Variants in SPSB4 observed in about 807,000 individuals in gnomAD.
SPSB4 encodes the protein SPRY domain-containing SOCS box protein 4.
In SPSB4, 21 loss-of-function variants were observed where a neutral mutation model predicts 20.9. The ratio of observed to expected loss-of-function variants is 1.01; its 90% CI spans 0.71 to 1.45. The LOEUF is 1.45. SPSB4 is among the 40% of genes most tolerant of loss of function. SPSB4 has a pLI of 0.00. For synonymous variants in SPSB4, 207 were observed against 183.8 expected, an observed-to-expected ratio of 1.13 and a Z score of -1.02; for missense variants, 399 against 399.2, an observed-to-expected ratio of 1.00 and a Z score of 0.00.
At chr3:141,097,885 A>C (rs1467977614) in intron 2 of SPSB4, among the ~76,000 whole-genome samples, 5 of 152,220 alleles carry the variant, frequency 3.3e-5, no homozygotes, top group African/African-American at 1.2e-4. Flanking sequence ...CCTTTAATGA[A>C]TAGCCATTGT....
chr3:141,090,293 C>T (rs573383200), intron 2 of SPSB4, among the ~76,000 whole-genome samples: 25 of 152,244 alleles, frequency 1.6e-4, no homozygotes, highest in Non-Finnish European at 2.4e-4. Context: ...AGGGACAAAA[C>T]GGACAAAAGT....
intron 2 of SPSB4, among the ~76,000 whole-genome samples, chr3:141,111,780 C>T (rs372887840): frequency 6.6e-5 from 10 of 152,206 alleles, no homozygotes; most frequent in Admixed American, 1.3e-4. Context: ...TGTAAGTATA[C>T]GGTATTGTTT....
chr3:141,090,385 A>G (rs545126790), intron 2 of SPSB4, among the ~76,000 whole-genome samples: 1 of 152,322 alleles, frequency 6.6e-6, no homozygotes, highest in South Asian at 2.1e-4. Flanking sequence ...TTAGCTAATG[A>G]TAAGTACGGT....
intron 2 of SPSB4, among the ~76,000 whole-genome samples, chr3:141,101,479 G>A (rs937002792): frequency 2.0e-5 from 3 of 152,192 alleles, no homozygotes; most frequent in Non-Finnish European, 2.9e-5. Flanking sequence ...CAGGGGGAGA[G>A]CCCAGCTCTG....
chr3:141,066,469 C>T lies in SPSB4; in HGVS notation c.365C>T (p.Ala122Val). 2.0e-6 allele frequency: 3 copies of T among 1,495,436 alleles called. No individual in the cohort carries two copies. Among genetic ancestry groups the T allele is most frequent in the Non-Finnish European group, 1.8e-6 (2 of 1,122,132 alleles). 92.6% of individuals were successfully genotyped at this position (1,495,436 alleles called of 1,614,324 possible). A position where few individuals can be genotyped will look rare whatever the true frequency, so the allele number is the denominator to read the frequency against. The stretch of plus-strand genomic sequence containing the variant: ...GTAGTTGGTGTGGCCACGGCCCGTG[C>T]TCCCCTGCACTCCGTGGGCTACACG... The part of the protein sequence containing the change: ...HAVVGVATAR[A>V]PLHSVGYTAL... Residue 122 changes from alanine (A) to valine (V), a missense_variant, in exon 2 of 3, where the codon GCT becomes GTT. Transcript: ENST00000310546.
rs1937870038 is a variant in SPSB4 at position 141,066,258 on chromosome 3, C to A, written c.154C>A (p.Leu52Met). The A allele has an allele frequency of 6.5e-7, 1 of 1,543,780 alleles. No individual in the cohort carries two copies. Among genetic ancestry groups the A allele is most frequent in the Non-Finnish European group, 8.7e-7 (1 of 1,145,772 alleles). ...DMPAAGLAVQ[L>M]RHAWNPEDRS... The stretch of plus-strand genomic sequence containing the variant: ...GCCAGCGGCGGGGCTGGCTGTGCAG[C>A]TGCGGCACGCGTGGAACCCCGAGGA... The change falls in exon 2 of 3, where the codon CTG (leucine) becomes ATG (methionine). Residue 52 changes from leucine (L) to methionine (M), a missense_variant. Physicochemically the swap from Leu to Met is conservative, Grantham distance 15. Coordinates refer to ENST00000310546, the MANE Select transcript of SPSB4 (RefSeq NM_080862.3).
chr3:141,092,315 TATTAGC>T (rs903755364), intron 2 of SPSB4, among the ~76,000 whole-genome samples: 12 of 152,222 alleles, frequency 7.9e-5, no homozygotes, highest in African/African-American at 2.4e-4. Context: ...TAGATATTAT[TATTAGC>T]ATTAGCATTA....
intron 1 of SPSB4, among the ~76,000 whole-genome samples, chr3:141,062,156 C>T (rs373330396): frequency 3.9e-5 from 6 of 152,202 alleles, no homozygotes; most frequent in South Asian, 2.1e-4. Flanking sequence ...ATGACCTTGC[C>T]GGTTAGGTCA....
chr3:141,116,342 C>T (rs1279919049), intron 2 of SPSB4, among the ~76,000 whole-genome samples: 4 of 152,218 alleles, frequency 2.6e-5, no homozygotes, highest in East Asian at 1.9e-4. Context: ...TTAGTTGCTG[C>T]CCCCCACTAG....
chr3:141,082,294 G>A (rs962921345), intron 2 of SPSB4, among the ~76,000 whole-genome samples: 8 of 152,244 alleles, frequency 5.3e-5, no homozygotes, highest in African/African-American at 1.9e-4. Flanking sequence ...GCAGGAGGTA[G>A]CCCAGTGCCA....
chr3:141,055,988 G>A (rs981014450), intron 1 of SPSB4, among the ~76,000 whole-genome samples: 2 of 152,194 alleles, frequency 1.3e-5, no homozygotes, highest in Non-Finnish European at 2.9e-5. Context: ...GGAGATGCAG[G>A]TCATAAGAGA....
chr3:141,115,770 C>G (rs897177473), intron 2 of SPSB4, among the ~76,000 whole-genome samples: 1 of 152,194 alleles, frequency 6.6e-6, no homozygotes, highest in African/African-American at 2.4e-5. Flanking sequence ...TCATCATTTA[C>G]CACTTCTTCT....
chr3:141,129,607 G>T (rs1225119260), intron 2 of SPSB4, among the ~76,000 whole-genome samples: 9 of 152,180 alleles, frequency 5.9e-5, no homozygotes, highest in Non-Finnish European at 1.3e-4. Context: ...ACACATGAGC[G>T]AATCTTCTGT....
In SPSB4 at chr3:141,066,515, C is replaced by G; in HGVS notation, c.411C>G (p.Ala137=). The G allele has an allele frequency of 2.7e-6, 4 of 1,504,938 alleles. No homozygotes were observed. Among genetic ancestry groups the G allele is most frequent in the Non-Finnish European group, 3.6e-6 (4 of 1,125,658 alleles). 93.2% of individuals were successfully genotyped at this position (1,504,938 alleles called of 1,614,324 possible). Reference sequence around the variant, plus strand: ...ACACGGCGCTGGTAGGCAGTGACGCCGAGTCGTGGGGCTGGGACCTGGGCC... The same window carrying G: ...ACACGGCGCTGGTAGGCAGTGACGCGGAGTCGTGGGGCTGGGACCTGGGCC... The part of the protein sequence containing the change: ...VGYTALVGSD[A]ESWGWDLGRS... The change falls in exon 2 of 3, where the codon GCC becomes GCG. Residue 137 remains alanine (A), a synonymous_variant. Coordinates refer to ENST00000310546, the MANE Select transcript of SPSB4 (RefSeq NM_080862.3).
At chr3:141,063,741 T>G (rs868122640) in intron 1 of SPSB4, among the ~76,000 whole-genome samples, 3 of 152,262 alleles carry the variant, frequency 2.0e-5, no homozygotes, top group Admixed American at 6.5e-5. Context: ...CTATATCCTG[T>G]GCTGGTTCCT....
At chr3:141,057,064 T>G (rs1297448356) in intron 1 of SPSB4, among the ~76,000 whole-genome samples, 1 of 152,236 alleles carries the variant, frequency 6.6e-6, no homozygotes, top group Non-Finnish European at 1.5e-5. Context: ...TCATTGATTC[T>G]CGCTCCAGGA....
Position 141,080,996 on chromosome 3 carries a change from G to C in SPSB4, c.694+14198G>C, listed in dbSNP as rs562427281. On this transcript the variant is annotated intron_variant, in intron 2 of 2. Coordinates refer to ENST00000310546, the MANE Select transcript of SPSB4 (RefSeq NM_080862.3). ...CGGGGAAGTCAGCTCCTCTCTTTGT[G>C]CCTCAGTTTCTCCACTGCAAGGAGG... Among the ~76,000 whole-genome samples, 4 of 152,302 alleles carry C rather than the reference G, an allele frequency of 2.6e-5. No individual in the cohort carries two copies. The East Asian group carries it at 5.8e-4, about 22-fold the overall frequency.
intron 2 of SPSB4, among the ~76,000 whole-genome samples, chr3:141,124,516 A>T (rs1241513685): frequency 2.0e-5 from 3 of 152,190 alleles, no homozygotes; most frequent in African/African-American, 7.2e-5. Context: ...TCACAGCAGC[A>T]GGTGTGAGCT....
chr3:141,114,705 A>G (rs938358118), intron 2 of SPSB4, among the ~76,000 whole-genome samples: 1 of 152,224 alleles, frequency 6.6e-6, no homozygotes, highest in African/African-American at 2.4e-5. Flanking sequence ...TGCTTTTGCC[A>G]CTATCTGAAC....
Sources: allele counts gnomAD v4.1 joint callset (sites outside exome capture counted in the v4.1 genomes callset), GRCh38; gene constraint gnomAD v4.1.1; transcripts MANE v1.5; gene names NCBI Gene and HGNC (gene_info 2026-07-23, HGNC 2026-07-21).